LYZL6: variants seen among roughly 807,000 people sequenced by gnomAD.
The protein encoded by LYZL6 is lysozyme like 6.
LYZL6 carries 21 observed loss-of-function variants against 15.0 expected under a neutral mutation model. That is an observed-to-expected ratio of 1.40 (90% CI 1.00 to 2.02). LYZL6 has a LOEUF of 2.02. LYZL6 is among the 30% of genes most tolerant of loss of function. The probability of loss-of-function intolerance (pLI) is 0.00; values close to 1 mark genes in which losing one functional copy is unlikely to be tolerated. For missense variants in LYZL6, 173 were observed against 180.5 expected (o/e 0.96, Z 0.24); for synonymous variants, 72 against 67.8 (o/e 1.06, Z -0.31).
At chr17:35,941,793 T>C (rs1233141847) in intron 1 of LYZL6, among the ~76,000 whole-genome samples, 1 of 152,220 alleles carries the variant, frequency 6.6e-6, no homozygotes, top group Non-Finnish European at 1.5e-5. Flanking sequence ...CTATCATAGA[T>C]TGGTTTGAGA....
chr17:35,936,648 C>A, intron 4 of LYZL6, 107 bp downstream of exon 4: 1 of 866,378 alleles, frequency 1.2e-6, no homozygotes, highest in Non-Finnish European at 1.9e-6. Context: ...CCACATCTTT[C>A]TAGACACTGC....
chr17:35,934,613 G>A lies in LYZL6; in HGVS notation c.*183C>T, dbSNP rs913476682. On this transcript the variant is annotated 3_prime_UTR_variant, in exon 5 of 5. Coordinates refer to ENST00000615905, the MANE Select transcript of LYZL6 (RefSeq NM_020426.4). ...TAACAGACAGGAACCAGGGGACTGGGTCCAGATGGGAGTAAGGAGGAAGCC... is the reference window on the plus strand; with the variant it reads ...TAACAGACAGGAACCAGGGGACTGGATCCAGATGGGAGTAAGGAGGAAGCC... 3.5e-6 allele frequency: 2 copies of A among 577,258 alleles called. No individual in the cohort carries two copies. The highest frequency in any genetic ancestry group is 6.2e-5 in the Admixed American group (2 of 32,100). The allele number at this position is 577,258 out of a possible 1,614,324, so 35.8% of individuals were successfully genotyped here.
rs2089406055 is a variant in LYZL6, at chr17:35,939,322, C to T, written c.35G>A (p.Ser12Asn). The T allele has an allele frequency of 3.1e-6, 5 of 1,614,130 alleles. No individual in the cohort carries two copies. Among genetic ancestry groups the T allele is most frequent in the Non-Finnish European group, 4.2e-6 (5 of 1,180,008 alleles). Residue 12 changes from serine (S) to asparagine (N), a missense_variant, in exon 2 of 5, where the codon AGC becomes AAC. Coordinates refer to ENST00000615905, the MANE Select transcript of LYZL6 (RefSeq NM_020426.4). ...GCTGGCCTGATTTAGGGCAAGAAAG[C>T]TGCTGACCAAATAGATGAGTAGCGC... ...TKALLIYLVSSFLALNQASLI... is the reference protein window; with the variant it reads ...TKALLIYLVSNFLALNQASLI...
chr17:35,938,928 A>G (rs770557841), intron 2 of LYZL6, among the ~76,000 whole-genome samples: 1 of 152,192 alleles, frequency 6.6e-6, no homozygotes, highest in Non-Finnish European at 1.5e-5. Context: ...GGTCACCACC[A>G]GGCAGTACGT....
chr17:35,939,136 A>G, intron 2 of LYZL6, 82 bp downstream of exon 2: 1 of 1,495,756 alleles, frequency 6.7e-7, no homozygotes. Context: ...GCTTTGAAAG[A>G]TGAACAGGAG....
intron 2 of LYZL6, 116 bp from the exon 3 acceptor site, chr17:35,938,032 G>T: frequency 1.0e-6 from 1 of 971,342 alleles, no homozygotes; most frequent in Non-Finnish European, 1.5e-6. Flanking sequence ...TGGGAGGCAA[G>T]ATAGGACTAG....
rs2089389203 is a variant in LYZL6 at position 35,937,852 on chromosome 17, TC to T, written c.203del (p.Gly68GlufsTer29). 4 of 1,614,012 alleles carry T rather than the reference TC, an allele frequency of 2.5e-6. No individual in the cohort carries two copies. The highest frequency in any genetic ancestry group is 3.3e-5 in the Admixed American group (2 of 60,002). ...TCTGGAAGAGGCCATAGTCAAAGCT[TC>T]CGTCTGCATTTTCATTTATCTTTGA... is the stretch of plus-strand genomic sequence containing the variant. ...NISKINENAD[G>X]SFDYGLFQIN... On this transcript the variant is annotated frameshift_variant, in exon 3 of 5. Transcript: ENST00000615905. LOFTEE classifies it high-confidence loss of function.
At chr17:35,937,241 G>A (rs886455190) in intron 3 of LYZL6, among the ~76,000 whole-genome samples, 1 of 152,208 alleles carries the variant, frequency 6.6e-6, no homozygotes, top group Non-Finnish European at 1.5e-5. Context: ...GCAGAGTCAT[G>A]GGCCCTGTCG....
rs374953753 is a variant in LYZL6 at position 35,936,850 on chromosome 17, G to T, written c.299-17C>A. 55 of 1,609,748 alleles carry T rather than the reference G, an allele frequency of 3.4e-5. No homozygotes were observed. Among genetic ancestry groups the T allele is most frequent in the Admixed American group, 6.7e-5 (4 of 60,010 alleles). ...TCAGCAGATCTGAAAGGGAGGAAGAGAAAACCTGTGAGGGCACAGAAGACA... is the reference window on the plus strand; with the variant it reads ...TCAGCAGATCTGAAAGGGAGGAAGATAAAACCTGTGAGGGCACAGAAGACA... On this transcript the variant is annotated splice_polypyrimidine_tract_variant and intron_variant, in intron 3 of 4. Coordinates refer to ENST00000615905, the MANE Select transcript of LYZL6 (RefSeq NM_020426.4).
chr17:35,934,567 T>C lies in LYZL6; in HGVS notation c.*229A>G, dbSNP rs1374079763. 5.6e-6 allele frequency: 3 copies of C among 539,002 alleles called. No individual in the cohort carries two copies. Among genetic ancestry groups the C allele is most frequent in the Non-Finnish European group, 9.9e-6 (3 of 304,246 alleles). 33.4% of individuals were successfully genotyped at this position (539,002 alleles called of 1,614,324 possible). A position where few individuals can be genotyped will look rare whatever the true frequency, so the allele number is the denominator to read the frequency against. ...TTCGATAAATATAAAGATTTCTTTA[T>C]TGTGGTCCTCAGTTTACAAATAACA... On this transcript the variant is annotated 3_prime_UTR_variant, in exon 5 of 5. Transcript: ENST00000615905.
intron 1 of LYZL6, among the ~76,000 whole-genome samples, chr17:35,940,306 A>G (rs1469089632): frequency 1.3e-5 from 2 of 152,198 alleles, no homozygotes; most frequent in South Asian, 2.1e-4. Flanking sequence ...ATTCCACACA[A>G]AAGGGAACCA....
In LYZL6 at chr17:35,937,801, A is replaced by G; in HGVS notation, c.255T>C (p.Asp85=). Residue 85 remains aspartate, a synonymous_variant, in exon 3 of 5, where the codon GAT becomes GAC. Transcript: ENST00000615905. Reference sequence around the variant, plus strand: ...AAAGGTTTTCCGAGTAACTCTTATAATCGTTGCACCAGTAGTGGCTGTTGA... The same window carrying G: ...AAAGGTTTTCCGAGTAACTCTTATAGTCGTTGCACCAGTAGTGGCTGTTGA... ...FQINSHYWCN[D]YKSYSENLCH... 1.9e-6 allele frequency: 3 copies of G among 1,614,138 alleles called. No individual in the cohort carries two copies. Among genetic ancestry groups the G allele is most frequent in the Non-Finnish European group, 8.5e-7 (1 of 1,180,026 alleles).
chr17:35,936,645 T>C (rs1290628802), intron 4 of LYZL6, 110 bp downstream of exon 4: 1 of 851,346 alleles, frequency 1.2e-6, no homozygotes, highest in East Asian at 2.4e-5. Context: ...ATCCCACATC[T>C]TTCTAGACAC....
chr17:35,937,834 G>A lies in LYZL6; in HGVS notation c.222C>T (p.Leu74=), dbSNP rs1260546107. 6.2e-7 allele frequency: 1 copy of A among 1,614,160 alleles called. No individual in the cohort carries two copies. Among genetic ancestry groups the A allele is most frequent in the Admixed American group, 1.7e-5 (1 of 60,034 alleles). The change falls in exon 3 of 5, where the codon CTC becomes CTT. Residue 74 remains leucine (L), a synonymous_variant. Coordinates refer to ENST00000615905, the MANE Select transcript of LYZL6 (RefSeq NM_020426.4). ...ENADGSFDYG[L]FQINSHYWCN... is the part of the protein sequence containing the mutation. ...ACCAGTAGTGGCTGTTGATCTGGAAGAGGCCATAGTCAAAGCTTCCGTCTG... is the reference window on the plus strand; with the variant it reads ...ACCAGTAGTGGCTGTTGATCTGGAAAAGGCCATAGTCAAAGCTTCCGTCTG...
At chr17:35,934,979 CTAG>C in intron 4 of LYZL6, 114 bp from the exon 5 acceptor site, 1 of 613,624 alleles carries the variant, frequency 1.6e-6, no homozygotes, top group South Asian at 2.6e-5. Flanking sequence ...CCCGTCATTG[CTAG>C]CTAGCCCTCT....
At chr17:35,936,854 A>T (rs753400449) in intron 3 of LYZL6, 21 bp from the exon 4 acceptor site, 1 of 1,606,852 alleles carries the variant, frequency 6.2e-7, no homozygotes, top group South Asian at 1.1e-5. Context: ...GGAAGAGAAA[A>T]CCTGTGAGGG....
chr17:35,943,510 C>T (rs957866590), intron 1 of LYZL6, 57 bp downstream of exon 1: 3 of 152,262 alleles, frequency 2.0e-5, no homozygotes, highest in Non-Finnish European at 4.4e-5. Context: ...CTCTCAGGGT[C>T]CCCTCAAGGA....
intron 2 of LYZL6, among the ~76,000 whole-genome samples, chr17:35,939,008 C>A (rs2141967624): frequency 6.6e-6 from 1 of 152,352 alleles, no homozygotes. Context: ...ATTTGTTTAT[C>A]TCTACAGCCC....
At chr17:35,939,138 G>T in intron 2 of LYZL6, 80 bp downstream of exon 2, 1 of 1,502,610 alleles carries the variant, frequency 6.7e-7, no homozygotes, top group Non-Finnish European at 9.0e-7. Context: ...TTTGAAAGAT[G>T]AACAGGAGAG....
Sources: gnomAD v4.1 joint callset for allele counts (sites outside exome capture counted in the v4.1 genomes callset) on GRCh38, gnomAD v4.1.1 for gene constraint, MANE v1.5 for transcripts, NCBI Gene and HGNC (gene_info 2026-07-23, HGNC 2026-07-21) for gene names.